The following FBXW8 variants were observed in gnomAD, a reference collection of about 807,000 sequenced individuals.
FBXW8 encodes the protein F-box and WD repeat domain containing 8, also known as F-box/WD repeat-containing protein 8.
A neutral mutation model predicts 65.3 loss-of-function variants in FBXW8; 57 were observed. The observed-to-expected ratio is 0.87, with a 90% CI of 0.71 to 1.09. The LOEUF is 1.09. Among genes scored for constraint, FBXW8 ranks in the 50% least tolerant of loss-of-function variants. The pLI is 0.00. For synonymous variants in FBXW8, 308 were observed against 330.2 expected (o/e 0.93, Z 0.73); for missense variants, 777 against 814.8 (o/e 0.95, Z 0.57).
At chr12:116,942,770 ATTTTTTTTTTTT>A (rs71099022) in intron 2 of FBXW8, among the ~76,000 whole-genome samples, 2 of 64,370 alleles carry the variant, frequency 3.1e-5, no homozygotes, top group Admixed American at 2.3e-4. Context: ...CAGAGCTTCT[ATTTTTTTTTTTT>A]TTTTTTTTTT....
At chr12:116,924,727 T>G (rs1881187164) in intron 1 of FBXW8, among the ~76,000 whole-genome samples, 2 of 152,220 alleles carry the variant, frequency 1.3e-5, no homozygotes. Flanking sequence ...GACCACAGCT[T>G]TTGTCCAGGA....
At chr12:116,929,223 G>A (rs1167768959) in intron 2 of FBXW8, among the ~76,000 whole-genome samples, 1 of 152,030 alleles carries the variant, frequency 6.6e-6, no homozygotes. Flanking sequence ...TTGGCCAAGA[G>A]TGTGTGATTG....
rs745843233 is a variant in FBXW8, at chr12:116,911,061, G to A, written c.24G>A (p.Glu8=). 2.7e-6 allele frequency: 4 copies of A among 1,455,868 alleles called. No homozygotes were observed. Among genetic ancestry groups the A allele is most frequent in the Admixed American group, 2.7e-5 (1 of 36,942 alleles). 90.2% of individuals were successfully genotyped at this position (1,455,868 alleles called of 1,614,324 possible). Reference sequence around the variant, plus strand: ...ATATGGACGACTACAGCCTGGATGAGTTCCGTCGGCGCTGGCAGGAGGAGC... The same window carrying A: ...ATATGGACGACTACAGCCTGGATGAATTCCGTCGGCGCTGGCAGGAGGAGC... MDDYSLD[E]FRRRWQEELA... The change falls in exon 1 of 11, where the codon GAG becomes GAA. Residue 8 remains glutamate (E), a synonymous_variant. Coordinates refer to ENST00000652555, the MANE Select transcript of FBXW8 (RefSeq NM_153348.3).
At chr12:116,957,358 T>TA (rs1565913802) in intron 4 of FBXW8, among the ~76,000 whole-genome samples, 1 of 152,098 alleles carries the variant, frequency 6.6e-6, no homozygotes, top group Non-Finnish European at 1.5e-5. Context: ...AATTTTTTTT[T>TA]AAAAAAGGAC....
intron 8 of FBXW8, among the ~76,000 whole-genome samples, chr12:117,020,144 G>A (rs1336664924): frequency 6.6e-6 from 1 of 152,170 alleles, no homozygotes; most frequent in Non-Finnish European, 1.5e-5. Context: ...CTGTATGGAT[G>A]TACCATAATT....
At position 116,985,357 on chromosome 12, in the gene FBXW8, GGAGGGGTACTGGCA is replaced by G. The variant is rs1188617200; in HGVS notation, c.990_1003del (p.Glu330AspfsTer6). 6.2e-7 allele frequency: 1 copy of G among 1,614,102 alleles called. No individual in the cohort carries two copies. The highest frequency in any genetic ancestry group is 8.5e-7 in the Non-Finnish European group (1 of 1,180,018). Reference sequence around the variant, plus strand: ...ATGTCGTGATGTTATCCCCCAATGAGGAGGGGTACTGGCAGATAGCTGCGGAATTTGAAGTTCCG... The same window carrying G: ...ATGTCGTGATGTTATCCCCCAATGAGGATAGCTGCGGAATTTGAAGTTCCG... On this transcript the variant is annotated frameshift_variant, in exon 6 of 11. Coordinates refer to ENST00000652555, the MANE Select transcript of FBXW8 (RefSeq NM_153348.3). LOFTEE classifies it high-confidence loss of function.
At chr12:116,971,357 CAA>C (rs762730882) in intron 5 of FBXW8, among the ~76,000 whole-genome samples, 30 of 118,052 alleles carry the variant, frequency 2.5e-4, no homozygotes, top group Non-Finnish European at 3.3e-4. Context: ...AAGACCCAGT[CAA>C]AAAAAAAAAA....
At chr12:117,013,570 G>A (rs1440943679) in intron 8 of FBXW8, among the ~76,000 whole-genome samples, 3 of 152,090 alleles carry the variant, frequency 2.0e-5, no homozygotes, top group Admixed American at 6.5e-5. Context: ...GGTACTCGGC[G>A]GGTGCCTAGC....
chr12:116,944,224 G>A (rs1882784904), intron 2 of FBXW8, among the ~76,000 whole-genome samples: 1 of 152,140 alleles, frequency 6.6e-6, no homozygotes, highest in Non-Finnish European at 1.5e-5. Flanking sequence ...CAATCCTTTT[G>A]TTAATTTCCA....
intron 7 of FBXW8, chr12:117,002,776 TTTACTCTTTTGTCAC>T (rs973792308): frequency 2.6e-5 from 4 of 152,220 alleles, no homozygotes; most frequent in Non-Finnish European, 5.9e-5. Context: ...TTGTGTATGA[TTTACTCTTTTGTCAC>T]TGGCTCCCCC....
At chr12:116,940,011 A>G (rs1429555535) in intron 2 of FBXW8, among the ~76,000 whole-genome samples, 1 of 152,234 alleles carries the variant, frequency 6.6e-6, no homozygotes, top group Non-Finnish European at 1.5e-5. Flanking sequence ...GAGCTCCAGC[A>G]TTGCTGAGTC....
intron 8 of FBXW8, among the ~76,000 whole-genome samples, chr12:117,020,849 A>C (rs569843860): frequency 6.6e-6 from 1 of 152,290 alleles, no homozygotes; most frequent in East Asian, 1.9e-4. Flanking sequence ...AGTGCCCTTA[A>C]AAGGATTTTA....
At position 116,979,482 on chromosome 12, in the gene FBXW8, G is replaced by A. The variant is rs554548294; in HGVS notation, c.836-5724G>A. ...TGGAGGGTCCTGAGCCCAGGGAGCAGGTGGGAGTGCCAGGCCCTGCCCCTT... is the reference window on the plus strand; with the variant it reads ...TGGAGGGTCCTGAGCCCAGGGAGCAAGTGGGAGTGCCAGGCCCTGCCCCTT... On this transcript the variant is annotated intron_variant, in intron 5 of 10. Coordinates refer to ENST00000652555, the MANE Select transcript of FBXW8 (RefSeq NM_153348.3). The A allele has an allele frequency of 3.9e-5, 6 of 152,456 alleles. No individual in the cohort carries two copies. In the South Asian group the frequency reaches 1.2e-3, roughly 32 times the overall value. 9.4% of individuals were successfully genotyped at this position (152,456 alleles called of 1,614,324 possible).
intron 8 of FBXW8, among the ~76,000 whole-genome samples, chr12:117,015,051 A>G (rs1953918243): frequency 6.6e-6 from 1 of 152,236 alleles, no homozygotes; most frequent in South Asian, 2.1e-4. Context: ...AAAAAAACCT[A>G]CAATAACCCT....
intron 5 of FBXW8, among the ~76,000 whole-genome samples, chr12:116,968,695 C>T (rs182530213): frequency 1.4e-4 from 22 of 152,190 alleles, no homozygotes; most frequent in Non-Finnish European, 2.2e-4. Flanking sequence ...AGAGTGTGCC[C>T]GCTTCCTCAC....
chr12:117,020,461 T>C (rs1954068235), intron 8 of FBXW8, among the ~76,000 whole-genome samples: 1 of 152,362 alleles, frequency 6.6e-6, no homozygotes, highest in African/African-American at 2.4e-5. Flanking sequence ...CTTCCGGAAC[T>C]TGGGGCGTGT....
chr12:116,920,303 G>A (rs1221933629), intron 1 of FBXW8, among the ~76,000 whole-genome samples: 4 of 152,202 alleles, frequency 2.6e-5, no homozygotes, highest in African/African-American at 4.8e-5. Flanking sequence ...TTGTTGGAAC[G>A]GTCTGCTGCT....
At chr12:117,002,791 C>G (rs2135699638) in intron 7 of FBXW8, 1 of 152,312 alleles carries the variant, frequency 6.6e-6, no homozygotes, top group East Asian at 1.9e-4. Context: ...TCTTTTGTCA[C>G]TGGCTCCCCC....
intron 1 of FBXW8, among the ~76,000 whole-genome samples, chr12:116,914,012 C>T (rs1325290018): frequency 6.6e-6 from 1 of 152,138 alleles, no homozygotes; most frequent in African/African-American, 2.4e-5. Flanking sequence ...TGGTACACAC[C>T]TGTAATCCCA....
Sources: gnomAD v4.1 joint callset for allele counts (sites outside exome capture counted in the v4.1 genomes callset) on GRCh38, gnomAD v4.1.1 for gene constraint, MANE v1.5 for transcripts, NCBI Gene and HGNC (gene_info 2026-07-23, HGNC 2026-07-21) for gene names.